Variants in EXTL3 observed in about 807,000 individuals in gnomAD.
EXTL3 encodes exostosin like glycosyltransferase 3.
A neutral mutation model predicts 69.3 loss-of-function variants in EXTL3; 27 were observed. The observed-to-expected ratio is 0.39, with a 90% confidence interval of 0.29 to 0.54. The LOEUF is 0.54. Among genes scored for constraint, EXTL3 ranks in the 20% least tolerant of loss-of-function variants. EXTL3 has a pLI of 0.69. For missense variants in EXTL3, 1,003 were observed against 1,231.8 expected, an observed-to-expected ratio of 0.81 and a Z score of 2.78; for synonymous variants, 511 against 499.4, an observed-to-expected ratio of 1.02 and a Z score of -0.31.
chr8:28,675,474 G>A (rs1038579922), intron 1 of EXTL3, among the ~76,000 whole-genome samples: 4 of 152,064 alleles, frequency 2.6e-5, no homozygotes, highest in South Asian at 2.1e-4. Flanking sequence ...ACTGCAGCAC[G>A]CTCGGTCCTC....
chr8:28,719,391 G>A (rs1801245165), intron 3 of EXTL3, among the ~76,000 whole-genome samples: 1 of 152,182 alleles, frequency 6.6e-6, no homozygotes, highest in African/African-American at 2.4e-5. Flanking sequence ...CAGTATGTTT[G>A]TCTTGCCTAT....
chr8:28,694,859 A>G (rs240933), intron 1 of EXTL3, among the ~76,000 whole-genome samples: 39,307 of 151,864 alleles, frequency 0.26, 5,129 homozygotes, highest in Middle Eastern at 0.33. Flanking sequence ...TAAAAATACA[A>G]AAAACTAGCT....
intron 1 of EXTL3, among the ~76,000 whole-genome samples, chr8:28,668,271 A>AAG (rs1554550214): frequency 3.4e-5 from 5 of 147,424 alleles, no homozygotes; most frequent in African/African-American, 1.3e-4. Flanking sequence ...AAAAAAAAAA[A>AAG]AAAAGAAAAG....
rs538250551 is a variant in EXTL3, at chr8:28,723,677, T to C, written c.2148+5470T>C. On this transcript the variant is annotated intron_variant, in intron 3 of 6. Transcript: ENST00000220562. Reference sequence around the variant, plus strand: ...TTTTTTTTGAGACAGAGTCTCACGCTGTTGCCCAGGCTGGAGCACAGTGGT... The same window carrying C: ...TTTTTTTTGAGACAGAGTCTCACGCCGTTGCCCAGGCTGGAGCACAGTGGT... Among the ~76,000 whole-genome samples the C allele has an allele frequency of 2.1e-3, 306 of 145,990 alleles. 3 individuals are homozygous for C. Among genetic ancestry groups the C allele is most frequent in the African/African-American group, 7.7e-3 (302 of 39,052 alleles).
At chr8:28,676,261 G>T (rs1353695756) in intron 1 of EXTL3, among the ~76,000 whole-genome samples, 1 of 152,160 alleles carries the variant, frequency 6.6e-6, no homozygotes, top group Non-Finnish European at 1.5e-5. Context: ...CATCAAGAAT[G>T]TGAGAAATAA....
chr8:28,692,266 T>C lies in EXTL3; in HGVS notation c.-52-21191T>C, dbSNP rs75956502. The stretch of plus-strand genomic sequence containing the variant: ...AATTGATGGATTTGTAGAAATATGG[T>C]CACATTTTCATTTGGTTCCACTTTT... On this transcript the variant is annotated intron_variant, in intron 1 of 6. Transcript: ENST00000523149. Among the ~76,000 whole-genome samples, 998 of 152,318 alleles carry C rather than the reference T, an allele frequency of 6.6e-3. 12 individuals are homozygous for C. Among genetic ancestry groups the C allele is most frequent in the African/African-American group, 0.022 (921 of 41,592 alleles).
At chr8:28,710,046 A>G (rs1270970694) in intron 1 of EXTL3, among the ~76,000 whole-genome samples, 1 of 152,224 alleles carries the variant, frequency 6.6e-6, no homozygotes, top group Non-Finnish European at 1.5e-5. Context: ...TGATTAGGGA[A>G]AAGAGTAAAA....
intron 3 of EXTL3, among the ~76,000 whole-genome samples, chr8:28,725,074 GTT>G: frequency 6.6e-6 from 1 of 152,178 alleles, no homozygotes; most frequent in African/African-American, 2.4e-5. Context: ...ATGGCTTGAT[GTT>G]AAGTTTCATT....
upstream of EXTL3, among the ~76,000 whole-genome samples, chr8:28,622,051 G>A (rs1314606351): frequency 6.6e-6 from 1 of 151,990 alleles, no homozygotes; most frequent in African/African-American, 2.4e-5. Flanking sequence ...TCCAATTTTA[G>A]CCCCTGTCAC....
intron 4 of EXTL3, among the ~76,000 whole-genome samples, chr8:28,735,089 G>A (rs1257824541): frequency 6.8e-6 from 1 of 146,708 alleles, no homozygotes; most frequent in Non-Finnish European, 1.5e-5. Flanking sequence ...CTGGTAAACC[G>A]AGGTGTATTT....
chr8:28,698,054 A>G (rs1050217867), upstream of EXTL3: 2 of 152,146 alleles, frequency 1.3e-5, no homozygotes, highest in African/African-American at 4.8e-5. Flanking sequence ...CCAGGATTTC[A>G]GTGTTAAGGG....
chr8:28,620,027 T>C (rs190778456), upstream of EXTL3, among the ~76,000 whole-genome samples: 3 of 151,824 alleles, frequency 2.0e-5, no homozygotes, highest in South Asian at 6.3e-4. Flanking sequence ...CCTGCCACCA[T>C]GCCCGGCTAA....
intron 4 of EXTL3, among the ~76,000 whole-genome samples, chr8:28,732,617 C>T (rs1334331927): frequency 1.3e-5 from 2 of 152,200 alleles, no homozygotes; most frequent in Non-Finnish European, 2.9e-5. Flanking sequence ...TTTGCCTATT[C>T]TGGACATCTT....
chr8:28,736,174 T>A (rs1381673059), intron 4 of EXTL3, among the ~76,000 whole-genome samples: 5 of 152,096 alleles, frequency 3.3e-5, no homozygotes, highest in South Asian at 2.1e-4. Context: ...TGCCACAATT[T>A]AAAAAAAATC....
intron 5 of EXTL3, 86 bp from the exon 6 acceptor site, chr8:28,743,000 G>C (rs760831313): frequency 1.6e-4 from 232 of 1,479,932 alleles, no homozygotes; most frequent in Non-Finnish European, 1.6e-4. Flanking sequence ...CACCCAAACA[G>C]CCCCTCCATC....
In EXTL3 at chr8:28,745,058, G is replaced by A. The variant is rs531382178; in HGVS notation, c.2550+1844G>A. ...ATGAAATCATCTTTAGAAGCTGGGT[G>A]TAGTGGCACATGCCTGGTAGTCTCA... On this transcript the variant is annotated intron_variant, in intron 6 of 6. Coordinates refer to ENST00000220562, the MANE Select transcript of EXTL3 (RefSeq NM_001440.4). Among the ~76,000 whole-genome samples the A allele has an allele frequency of 2.0e-5, 3 of 152,240 alleles. No homozygotes were observed. The South Asian group carries it at 6.2e-4, about 32-fold the overall frequency.
intron 1 of EXTL3, among the ~76,000 whole-genome samples, chr8:28,651,636 C>T (rs750375734): frequency 6.6e-6 from 1 of 152,154 alleles, no homozygotes; most frequent in East Asian, 1.9e-4. Flanking sequence ...GCAACAGTCT[C>T]TAATTCCTGT....
chr8:28,653,202 C>G (rs148539164), intron 1 of EXTL3, among the ~76,000 whole-genome samples: 35 of 152,276 alleles, frequency 2.3e-4, no homozygotes, highest in African/African-American at 7.5e-4. Context: ...CCTCCCTTTG[C>G]ACATTTTAAA....
rs71222571 is a variant in EXTL3 at position 28,691,572 on chromosome 8, A to ATTTTT, written c.-52-21877_-52-21873dup. On this transcript the variant is annotated intron_variant, in intron 1 of 6. Transcript: ENST00000523149. The stretch of plus-strand genomic sequence containing the variant: ...TGGTAAATATTTATCAGTTTTTGTG[A>ATTTTT]TTTTTTTTTTTTGCTATTGTGTTCC... 1.5e-5 allele frequency among the ~76,000 whole-genome samples: 2 copies of ATTTTT among 135,488 alleles called. 1 individual carries two copies. Among genetic ancestry groups the ATTTTT allele is most frequent in the African/African-American group, 6.4e-5 (2 of 31,022 alleles). The allele number at this position is 135,488 out of a possible 152,430, so 88.9% of individuals were successfully genotyped here. A position where few individuals can be genotyped will look rare whatever the true frequency, so the allele number is the denominator to read the frequency against.
Sources: allele counts gnomAD v4.1 joint callset (sites outside exome capture counted in the v4.1 genomes callset), GRCh38; gene constraint gnomAD v4.1.1; transcripts MANE v1.5; gene names NCBI Gene and HGNC (gene_info 2026-07-23, HGNC 2026-07-21).